The following MXRA7 variants were observed in gnomAD, a reference collection of about 807,000 sequenced individuals.
MXRA7 encodes the protein matrix-remodeling-associated protein 7.
MXRA7 carries 18 observed loss-of-function variants against 17.4 expected under a neutral mutation model. The ratio of observed to expected loss-of-function variants is 1.03; its 90% confidence interval spans 0.71 to 1.53. MXRA7 has a LOEUF of 1.53. Among genes scored for constraint, MXRA7 ranks in the 40% most tolerant of loss-of-function variants. MXRA7 has a pLI of 0.00. For synonymous variants in MXRA7, 70 were observed against 101.7 expected (o/e 0.69, Z 1.87); for missense variants, 141 against 209.3 (o/e 0.67, Z 2.01).
chr17:76,679,348 C>A (rs1022529609), downstream of MXRA7, among the ~76,000 whole-genome samples: 1 of 151,544 alleles, frequency 6.6e-6, no homozygotes, highest in African/African-American at 2.4e-5. Context: ...ATGTGCTGAG[C>A]TCTGTGGATG....
Position 76,681,106 on chromosome 17 carries a change from G to A in MXRA7, c.501-227C>T, listed in dbSNP as rs568256206. Among the ~76,000 whole-genome samples, 55 of 152,262 alleles carry A rather than the reference G, an allele frequency of 3.6e-4. No individual in the cohort carries two copies. Among genetic ancestry groups the A allele is most frequent in the Admixed American group, 1.3e-3 (20 of 15,304 alleles). On this transcript the variant is annotated intron_variant, in intron 3 of 3. Coordinates refer to ENST00000449428, the MANE Select transcript of MXRA7 (RefSeq NM_198530.4). The surrounding 1 kb of genome is among the most constrained non-coding windows in gnomAD (Gnocchi z 4.7). ...AGCTTGCAGAGCTCCCCTTGATCCCGCACAGAACCTGGCAGCCCACAGACC... is the reference window on the plus strand; with the variant it reads ...AGCTTGCAGAGCTCCCCTTGATCCCACACAGAACCTGGCAGCCCACAGACC...
intron 1 of MXRA7, among the ~76,000 whole-genome samples, chr17:76,691,514 C>G (rs1323449940): frequency 6.6e-6 from 1 of 152,124 alleles, no homozygotes; most frequent in African/African-American, 2.4e-5. Context: ...TGATTGGCCC[C>G]TGAAGTAGGG....
intron 1 of MXRA7, among the ~76,000 whole-genome samples, chr17:76,696,014 G>A (rs1210699333): frequency 1.3e-5 from 2 of 152,096 alleles, no homozygotes; most frequent in Admixed American, 1.3e-4. Flanking sequence ...AGAATCTCTT[G>A]AACCCAGGAG....
At chr17:76,686,109 T>C (rs961309129) in intron 2 of MXRA7, among the ~76,000 whole-genome samples, 1 of 152,088 alleles carries the variant, frequency 6.6e-6, no homozygotes, top group Non-Finnish European at 1.5e-5. Context: ...TGCTACCGGA[T>C]AGGCTGATGT....
rs756895808 is a variant in MXRA7, at chr17:76,680,887, G to A, written c.501-8C>T. On this transcript the variant is annotated splice_region_variant and splice_polypyrimidine_tract_variant and intron_variant, in intron 3 of 3. Coordinates refer to ENST00000449428, the MANE Select transcript of MXRA7 (RefSeq NM_198530.4). Reference sequence around the variant, plus strand: ...CTTCGTTATTCTTCAGTTCTGTAAAGAGAAATGGGGAGAAAAAGATAATTT... The same window carrying A: ...CTTCGTTATTCTTCAGTTCTGTAAAAAGAAATGGGGAGAAAAAGATAATTT... 6.3e-7 allele frequency: 1 copy of A among 1,592,000 alleles called. No homozygotes were observed. Among genetic ancestry groups the A allele is most frequent in the East Asian group, 2.2e-5 (1 of 44,692 alleles).
intron 2 of MXRA7, 32 bp from the exon 3 acceptor site, chr17:76,685,197 G>A (rs762179279): frequency 1.3e-6 from 2 of 1,550,488 alleles, no homozygotes; most frequent in Admixed American, 1.7e-5. Flanking sequence ...AGTGCCAGGA[G>A]TGCTGTAGAG....
At chr17:76,678,217 A>C (rs11077853), downstream of MXRA7, among the ~76,000 whole-genome samples, 134,882 of 152,200 alleles carry the variant, frequency 0.89, 60,186 homozygotes, top group East Asian at 1. Flanking sequence ...GCGGGGAGGG[A>C]AGCCTGTGGG....
chr17:76,687,712 G>A (rs1029016002), intron 2 of MXRA7, among the ~76,000 whole-genome samples: 10 of 152,238 alleles, frequency 6.6e-5, no homozygotes, highest in South Asian at 2.1e-4. Context: ...TGGGGCCTTC[G>A]TTCTGAAGAA....
Position 76,693,546 on chromosome 17 carries a change from G to A in MXRA7, c.343-5370C>T, listed in dbSNP as rs115541014. On this transcript the variant is annotated intron_variant, in intron 1 of 3. Coordinates refer to ENST00000449428, the MANE Select transcript of MXRA7 (RefSeq NM_198530.4). Reference sequence around the variant, plus strand: ...TTTGTGTGTGGTAGAGTTAGATACTGGTTTATAAAACTTCTGGGGCCAGGT... The same window carrying A: ...TTTGTGTGTGGTAGAGTTAGATACTAGTTTATAAAACTTCTGGGGCCAGGT... 4.4e-3 allele frequency among the ~76,000 whole-genome samples: 667 copies of A among 151,282 alleles called. 7 individuals are homozygous for A. The highest frequency in any genetic ancestry group is 0.015 in the African/African-American group (635 of 41,182).
At chr17:76,705,483 G>GT (rs57894380) in intron 1 of MXRA7, among the ~76,000 whole-genome samples, 3,639 of 152,252 alleles carry the variant, frequency 0.024, 147 homozygotes, top group African/African-American at 0.082. Context: ...ATTATTTCTA[G>GT]TTTTTTCCCC....
rs928285613 is a variant in MXRA7 at position 76,688,138 on chromosome 17, T to C, written c.381A>G (p.Ser127=). 1 of 1,613,850 alleles carries C rather than the reference T, an allele frequency of 6.2e-7. No individual in the cohort carries two copies. The highest frequency in any genetic ancestry group is 8.5e-7 in the Non-Finnish European group (1 of 1,179,954). ...EQDLDGEKGP[S]SEGPEEEDGE... ...CGTCCTCCTCCTCAGGCCCTTCCGA[T>C]GATGGCCCCTTCTCACCATCCAAGT... is the stretch of plus-strand genomic sequence containing the variant. The change falls in exon 2 of 4, where the codon TCA becomes TCG. Residue 127 remains serine, a synonymous_variant. Transcript: ENST00000449428.
chr17:76,704,997 G>C (rs1294260116), intron 1 of MXRA7, among the ~76,000 whole-genome samples: 4 of 152,034 alleles, frequency 2.6e-5, no homozygotes, highest in Admixed American at 2.6e-4. Context: ...GCCCAAGCTG[G>C]TCTCCCTCCT....
At chr17:76,677,526 G>A (rs2076249943), downstream of MXRA7, 9 of 1,166,418 alleles carry the variant, frequency 7.7e-6, no homozygotes, top group Non-Finnish European at 1.1e-5. Context: ...GAAAGAACAA[G>A]GGCATGGGGC....
At chr17:76,688,011 C>CCACCCCA in intron 2 of MXRA7, 102 bp downstream of exon 2, 2 of 923,828 alleles carry the variant, frequency 2.2e-6, no homozygotes, top group Non-Finnish European at 3.4e-6. Context: ...CCACCCCATC[C>CCACCCCA]CTCCCCTCGG....
chr17:76,686,136 G>T (rs891820531), intron 2 of MXRA7, among the ~76,000 whole-genome samples: 16 of 151,932 alleles, frequency 1.1e-4, no homozygotes, highest in Admixed American at 6.6e-4. Flanking sequence ...ATGGGGAGGC[G>T]GGGGGGCTCT....
chr17:76,694,084 T>G (rs1567984851), intron 1 of MXRA7, among the ~76,000 whole-genome samples: 1 of 152,174 alleles, frequency 6.6e-6, no homozygotes, highest in Non-Finnish European at 1.5e-5. Flanking sequence ...TTCCATCTAC[T>G]TATCTGGATG....
intron 1 of MXRA7, chr17:76,709,984 GT>G (rs921097400): frequency 6.6e-6 from 1 of 151,464 alleles, no homozygotes. Flanking sequence ...GGGAGTGGGG[GT>G]AGGAGGGTGT....
intron 1 of MXRA7, among the ~76,000 whole-genome samples, chr17:76,704,200 A>AT (rs1162372827): frequency 0.31 from 19,801 of 63,678 alleles, 4,167 homozygotes; most frequent in Non-Finnish European, 0.42. Context: ...CTTCCTTCAG[A>AT]TTTTTTTTTT....
chr17:76,691,526 G>A (rs1394984810), intron 1 of MXRA7, among the ~76,000 whole-genome samples: 1 of 152,154 alleles, frequency 6.6e-6, no homozygotes, highest in Non-Finnish European at 1.5e-5. Flanking sequence ...GAAGTAGGGG[G>A]CAGTCTGTGG....
Sources: allele counts gnomAD v4.1 joint callset (sites outside exome capture counted in the v4.1 genomes callset), GRCh38; gene constraint gnomAD v4.1.1; non-coding constraint Gnocchi (gnomAD v3.1); transcripts MANE v1.5; gene names NCBI Gene and HGNC (gene_info 2026-07-23, HGNC 2026-07-21).